The following PPP2R1B variants were observed in gnomAD, a reference collection of about 807,000 sequenced individuals.
PPP2R1B encodes the protein protein phosphatase 2 scaffold subunit Abeta, also known as serine/threonine-protein phosphatase 2A 65 kDa regulatory subunit A beta isoform.
PPP2R1B carries 58 observed loss-of-function variants against 72.7 expected under a neutral mutation model. The ratio of observed to expected loss-of-function variants is 0.80; its 90% CI spans 0.65 to 0.99. The LOEUF is 0.99. Among genes scored for constraint, PPP2R1B ranks in the 50% least tolerant of loss-of-function variants. PPP2R1B has a pLI of 0.00. For synonymous variants in PPP2R1B, 256 were observed against 264.6 expected (o/e 0.97, Z 0.32); for missense variants, 695 against 733.6 (o/e 0.95, Z 0.61).
At chr11:111,717,860 G>A in the PPP2R1B span, among the ~76,000 whole-genome samples, 8 of 152,222 alleles carry the variant, frequency 5.3e-5, no homozygotes, top group South Asian at 8.3e-4. Context: ...ATGTTCTCAC[G>A]TATAAGTAGG....
At chr11:111,705,454 G>A in the PPP2R1B span, among the ~76,000 whole-genome samples, 1 of 152,124 alleles carries the variant, frequency 6.6e-6, no homozygotes, top group Non-Finnish European at 1.5e-5. The surrounding 1 kb of genome is among the most constrained non-coding windows in gnomAD (Gnocchi z 4.3). Context: ...TCTATTCTTA[G>A]GCACTGTTGG....
chr11:111,703,348 A>C, the PPP2R1B span: 2 of 1,614,192 alleles, frequency 1.2e-6, no homozygotes, highest in South Asian at 1.1e-5. Flanking sequence ...AAAATGAGCC[A>C]TCCATCGGGG....
chr11:111,738,138 A>G lies in PPP2R1B; in HGVS notation c.*3458T>C, dbSNP rs1468081547. The G allele has an allele frequency of 4.1e-6, 4 of 987,512 alleles. No homozygotes were observed. The African/African-American group carries it at 7.0e-5, about 17-fold the overall frequency. 61.2% of individuals were successfully genotyped at this position (987,512 alleles called of 1,614,324 possible). On this transcript the variant is annotated 3_prime_UTR_variant, in exon 15 of 15. Transcript: ENST00000527614. Reference sequence around the variant, plus strand: ...AACTGGATGGAAACAGGAATACTGGAGAATCAAAGGGAAACAGTTACATCA... The same window carrying G: ...AACTGGATGGAAACAGGAATACTGGGGAATCAAAGGGAAACAGTTACATCA...
the PPP2R1B span, chr11:111,720,330 T>C: frequency 7.9e-3 from 6,686 of 841,720 alleles, 38 homozygotes; most frequent in Middle Eastern, 0.028. Flanking sequence ...GATGACTAAA[T>C]TGGCCAGTAA....
chr11:111,704,298 C>T, the PPP2R1B span, among the ~76,000 whole-genome samples: 8 of 152,208 alleles, frequency 5.3e-5, no homozygotes, highest in Non-Finnish European at 1.0e-4. Context: ...CTGCACAGCA[C>T]CCATGCCGAC....
intron 4 of PPP2R1B, among the ~76,000 whole-genome samples, 168 bp downstream of exon 4, chr11:111,760,651 A>T (rs1945290524): frequency 6.9e-6 from 1 of 144,904 alleles, no homozygotes; most frequent in African/African-American, 2.5e-5. Context: ...CTTATCTCTT[A>T]AAAAAAAAAA....
chr11:111,728,762 A>C (rs1301965133), intron 15 of PPP2R1B: 1 of 152,152 alleles, frequency 6.6e-6, no homozygotes, highest in Non-Finnish European at 1.5e-5. Context: ...GTCTCTACTA[A>C]AAATACAAAA....
chr11:111,711,890 T>C, the PPP2R1B span, among the ~76,000 whole-genome samples: 1 of 152,244 alleles, frequency 6.6e-6, no homozygotes, highest in African/African-American at 2.4e-5. Context: ...AAGAGACAAA[T>C]ATGTTTGTTG....
At chr11:111,691,842 G>A in the PPP2R1B span, among the ~76,000 whole-genome samples, 1 of 152,188 alleles carries the variant, frequency 6.6e-6, no homozygotes, top group Non-Finnish European at 1.5e-5. Flanking sequence ...AACAGCAGCA[G>A]TGACAAAAAG....
chr11:111,692,145 G>T, the PPP2R1B span, among the ~76,000 whole-genome samples: 1 of 151,858 alleles, frequency 6.6e-6, no homozygotes, highest in East Asian at 1.9e-4. Context: ...GAGCTCAGGA[G>T]TTCGAGACCA....
At chr11:111,703,355 G>A in the PPP2R1B span, 5 of 1,614,094 alleles carry the variant, frequency 3.1e-6, no homozygotes, top group East Asian at 2.2e-5. Context: ...GCCATCCATC[G>A]GGGAGTTTAA....
At chr11:111,712,652 A>G in the PPP2R1B span, among the ~76,000 whole-genome samples, 1 of 152,072 alleles carries the variant, frequency 6.6e-6, no homozygotes, top group Non-Finnish European at 1.5e-5. Context: ...TTCTCTCTTC[A>G]AGTTTCCAGA....
the PPP2R1B span, among the ~76,000 whole-genome samples, chr11:111,713,863 A>G: frequency 6.6e-6 from 1 of 152,290 alleles, no homozygotes; most frequent in East Asian, 1.9e-4. Flanking sequence ...GCTACTCGGG[A>G]GGCTGAGGCA....
Position 111,755,076 on chromosome 11 carries a change from G to C in PPP2R1B, c.862C>G (p.Pro288Ala). The C allele has an allele frequency of 6.2e-7, 1 of 1,612,046 alleles. No homozygotes were observed. The highest frequency in any genetic ancestry group is 8.5e-7 in the Non-Finnish European group (1 of 1,178,636). ...ATGAGGTCATTTAGGGTGATTTTAG[G>C]ACCCATGGCTTTCTGGAGCTATAAA... ...RFSELQKAMG[P>A]KITLNDLIPA... The change falls in exon 7 of 15, where the codon CCT becomes GCT. Residue 288 changes from proline to alanine, a missense_variant. Pro to Ala is a conservative substitution (Grantham distance 27, BLOSUM62 -1). Coordinates refer to ENST00000527614, the MANE Select transcript of PPP2R1B (RefSeq NM_002716.5).
the PPP2R1B span, among the ~76,000 whole-genome samples, chr11:111,688,547 C>T: frequency 3.9e-5 from 6 of 152,124 alleles, no homozygotes; most frequent in Non-Finnish European, 5.9e-5. The surrounding 1 kb of genome is among the most constrained non-coding windows in gnomAD (Gnocchi z 4.2). Context: ...CAGCCAGAAG[C>T]AGAGAAAAGG....
the PPP2R1B span, among the ~76,000 whole-genome samples, chr11:111,707,982 TAAAC>T: frequency 2.6e-5 from 4 of 152,182 alleles, no homozygotes; most frequent in Non-Finnish European, 5.9e-5. Flanking sequence ...GGAGTTTAGT[TAAAC>T]AAATAGAGCA....
At chr11:111,750,963 C>T (rs7935621) in intron 10 of PPP2R1B, among the ~76,000 whole-genome samples, 15,166 of 152,030 alleles carry the variant, frequency 0.1, 2,447 homozygotes, top group African/African-American at 0.34. Flanking sequence ...CTCAGCCTCC[C>T]GAGTAGCTGG....
the PPP2R1B span, chr11:111,721,089 T>TG: frequency 8.8e-6 from 14 of 1,596,624 alleles, no homozygotes; most frequent in Non-Finnish European, 1.2e-5. Flanking sequence ...CTTCCCTCAA[T>TG]GGCTCTGTGA....
intron 5 of PPP2R1B, among the ~76,000 whole-genome samples, 165 bp from the exon 6 acceptor site, chr11:111,755,615 G>T (rs1483286470): frequency 1.4e-5 from 2 of 148,104 alleles, no homozygotes; most frequent in Non-Finnish European, 3.0e-5. Flanking sequence ...TTTGAGGCAG[G>T]GTCTCACTCT....
Sources: gnomAD v4.1 joint callset for allele counts (sites outside exome capture counted in the v4.1 genomes callset) on GRCh38, gnomAD v4.1.1 for gene constraint, Gnocchi (gnomAD v3.1) non-coding constraint, MANE v1.5 for transcripts, NCBI Gene and HGNC (gene_info 2026-07-23, HGNC 2026-07-21) for gene names.